Variants in LCN9 observed in about 807,000 individuals in gnomAD.
LCN9 encodes the protein lipocalin 9, also known as epididymal-specific lipocalin-9.
Under a neutral mutation model 18.5 loss-of-function variants are expected in LCN9, and 22 were observed. That is an observed-to-expected ratio of 1.19 (90% CI 0.85 to 1.70). The LOEUF is 1.70. Ranked by LOEUF, LCN9 falls within the 40% of genes most tolerant of loss-of-function variation. The pLI, the probability that LCN9 is intolerant of heterozygous loss-of-function variation, is 0.00. For synonymous variants in LCN9, 89 were observed against 83.0 expected (o/e 1.07, Z -0.39); for missense variants, 202 against 201.3 (o/e 1.00, Z -0.02).
At chr9:135,666,200 C>T in exon 6 of LCN9, 1 of 1,505,920 alleles carries the variant, frequency 6.6e-7, no homozygotes, top group South Asian at 1.3e-5. Flanking sequence ...TACTTTCTCA[C>T]AGCCTGGAGC....
chr9:135,666,209 G>GCCCGAGGTTTGAAA, exon 6 of LCN9: 1 of 1,490,666 alleles, frequency 6.7e-7, no homozygotes, highest in Non-Finnish European at 9.0e-7. Context: ...ACAGCCTGGA[G>GCCCGAGGTTTGAAA]CCCGAGGTCT....
In LCN9 at chr9:135,664,394, A is replaced by G; in HGVS notation, c.233+96A>G. ...CTTGCACACACACGCTCGCACACTC[A>G]CTGACTTGCACTCTGGTGAGAGCCT... On this transcript the variant is annotated intron_variant, in intron 2 of 5. Transcript: ENST00000619315. The surrounding 1 kb of genome is among the most constrained non-coding windows in gnomAD (Gnocchi z 4.5). 2 of 1,456,050 alleles carry G rather than the reference A, an allele frequency of 1.4e-6. No individual in the cohort carries two copies. The highest frequency in any genetic ancestry group is 1.2e-5 in the South Asian group (1 of 82,294). 90.2% of individuals were successfully genotyped at this position (1,456,050 alleles called of 1,614,324 possible). A position where few individuals can be genotyped will look rare whatever the true frequency, so the allele number is the denominator to read the frequency against.
rs781382510 is a variant in LCN9, at chr9:135,665,214, C to A, written c.308-31C>A. On this transcript the variant is annotated intron_variant, in intron 3 of 5. Transcript: ENST00000619315. The surrounding 1 kb of genome is among the most constrained non-coding windows in gnomAD (Gnocchi z 5.9). ...TCACAGGACCCTGAGGGTGGCGGGG[C>A]CAGGCCACGCTGAGCCATGTCTCCA... 1 of 1,456,624 alleles carries A rather than the reference C, an allele frequency of 6.9e-7. No homozygotes were observed. The highest frequency in any genetic ancestry group is 1.2e-5 in the South Asian group (1 of 82,560). 90.2% of individuals were successfully genotyped at this position (1,456,624 alleles called of 1,614,324 possible).
At chr9:135,666,917 C>A (rs972749577) in exon 6 of LCN9, among the ~76,000 whole-genome samples, 1 of 149,118 alleles carries the variant, frequency 6.7e-6, no homozygotes, top group African/African-American at 2.4e-5. Flanking sequence ...GGTGCCTGCG[C>A]CCCCGCCTCC....
Sources: gnomAD v4.1 joint callset for allele counts (sites outside exome capture counted in the v4.1 genomes callset) on GRCh38, gnomAD v4.1.1 for gene constraint, Gnocchi (gnomAD v3.1) non-coding constraint, MANE v1.5 for transcripts, NCBI Gene and HGNC (gene_info 2026-07-23, HGNC 2026-07-21) for gene names.